Variants in CNNM2 observed in about 807,000 individuals in gnomAD.
The protein encoded by CNNM2 is cyclin and CBS domain divalent metal cation transport mediator 2, also known as metal transporter CNNM2.
Under a neutral mutation model 66.9 loss-of-function variants are expected in CNNM2, and 12 were observed. That is an observed-to-expected ratio of 0.18 (90% CI 0.11 to 0.29). The LOEUF (loss-of-function observed/expected upper bound fraction) is 0.29. CNNM2 is among the 10% of genes least tolerant of loss of function. The probability of loss-of-function intolerance (pLI) is 1.00; values close to 1 mark genes in which losing one functional copy is unlikely to be tolerated. For synonymous variants in CNNM2, 557 were observed against 501.8 expected, an observed-to-expected ratio of 1.11 and a Z score of -1.47; for missense variants, 705 against 1,167.7, an observed-to-expected ratio of 0.60 and a Z score of 5.77.
chr10:103,081,487 T>A lies in CNNM2; in HGVS notation c.*4307T>A, dbSNP rs1392404487. On this transcript the variant is annotated 3_prime_UTR_variant, in exon 8 of 8. Transcript: ENST00000369878. ...TTCAGAAATTTTTCTGATGTATCAA[T>A]GAGCAACTTCTCAGTGGATTTTTAT... 1.3e-5 allele frequency: 2 copies of A among 152,240 alleles called. No individual in the cohort carries two copies. The highest frequency in any genetic ancestry group is 4.1e-4 in the South Asian group (2 of 4,836). The allele number at this position is 152,240 out of a possible 1,614,324, so 9.4% of individuals were successfully genotyped here.
chr10:103,043,200 G>A (rs2065072016), intron 1 of CNNM2, among the ~76,000 whole-genome samples: 1 of 152,172 alleles, frequency 6.6e-6, no homozygotes, highest in African/African-American at 2.4e-5. Flanking sequence ...TCTTCCTGCT[G>A]TTTGAGTGGC....
At chr10:102,922,828 C>T (rs1440729140) in intron 1 of CNNM2, among the ~76,000 whole-genome samples, 1 of 151,530 alleles carries the variant, frequency 6.6e-6, no homozygotes, top group Non-Finnish European at 1.5e-5. Context: ...GTGGTCCCAG[C>T]TCCTTGGGAG....
chr10:102,977,139 A>C (rs2063647238), intron 1 of CNNM2, among the ~76,000 whole-genome samples: 1 of 152,190 alleles, frequency 6.6e-6, no homozygotes, highest in Non-Finnish European at 1.5e-5. Context: ...CTGACTGCAG[A>C]GTGGAAAGCA....
In CNNM2 at chr10:103,077,276, A is replaced by G. The variant is rs2065708061; in HGVS notation, c.*96A>G. 7 of 1,119,984 alleles carry G rather than the reference A, an allele frequency of 6.3e-6. No homozygotes were observed. The highest frequency in any genetic ancestry group is 5.9e-5 in the Admixed American group (3 of 50,574). 69.4% of individuals were successfully genotyped at this position (1,119,984 alleles called of 1,614,324 possible). ...CTTCACTGGTGTGAGCTTGTCCGCC[A>G]TGCTGTACCCTGCAACATCCTGAGA... On this transcript the variant is annotated 3_prime_UTR_variant, in exon 8 of 8. Transcript: ENST00000369878.
chr10:103,050,637 T>C (rs1389625725), intron 2 of CNNM2, among the ~76,000 whole-genome samples: 1 of 151,658 alleles, frequency 6.6e-6, no homozygotes, highest in Non-Finnish European at 1.5e-5. Flanking sequence ...GGAGGTGAGA[T>C]GTGCAAGTGT....
chr10:103,088,732 T>A lies in CNNM2; in HGVS notation c.*11552T>A, dbSNP rs1341100060. The A allele has an allele frequency of 5.6e-6, 1 of 178,970 alleles. No homozygotes were observed. Among genetic ancestry groups the A allele is most frequent in the Non-Finnish European group, 1.2e-5 (1 of 83,494 alleles). The allele number at this position is 178,970 out of a possible 1,614,324, so 11.1% of individuals were successfully genotyped here. A position where few individuals can be genotyped will look rare whatever the true frequency, so the allele number is the denominator to read the frequency against. ...GAATTTATTCACACTGATTGTGCCC[T>A]CTACTTTAGTAAGGTTCTGGCTTAC... On this transcript the variant is annotated 3_prime_UTR_variant, in exon 8 of 8. Transcript: ENST00000369878.
rs1340652211 is a variant in CNNM2, at chr10:103,071,805, C to CAGCAGAACAGAGTTGTT, written c.2205_2221dup (p.Ala741GlufsTer5). The CAGCAGAACAGAGTTGTT allele has an allele frequency of 7.4e-6, 12 of 1,613,966 alleles. No homozygotes were observed. The highest frequency in any genetic ancestry group is 1.0e-5 in the Non-Finnish European group (12 of 1,179,868). ...TGTCCCTGTCTCGTACCTTTGTTGT[C>CAGCAGAACAGAGTTGTT]AGCAGAACAGAGTTGTTAGCAGCAG... On this transcript the variant is annotated frameshift_variant, in exon 6 of 8. Transcript: ENST00000369878. LOFTEE classifies it high-confidence loss of function.
chr10:103,005,038 G>C (rs560261987), intron 1 of CNNM2, among the ~76,000 whole-genome samples: 10 of 151,614 alleles, frequency 6.6e-5, no homozygotes, highest in African/African-American at 2.4e-4. Context: ...TCAGCCTCCC[G>C]AGTAGCTGGG....
intron 1 of CNNM2, among the ~76,000 whole-genome samples, chr10:102,946,875 T>G (rs1011561169): frequency 6.6e-6 from 1 of 152,202 alleles, no homozygotes; most frequent in African/African-American, 2.4e-5. Context: ...AATAACCAAC[T>G]TGGAAAAAAC....
chr10:102,959,849 G>GT (rs1847179044), intron 1 of CNNM2, among the ~76,000 whole-genome samples: 1 of 152,098 alleles, frequency 6.6e-6, no homozygotes, highest in Non-Finnish European at 1.5e-5. Flanking sequence ...TCAGGAGATC[G>GT]AAACCATCCT....
At chr10:102,941,360 G>T (rs539850884) in intron 1 of CNNM2, among the ~76,000 whole-genome samples, 1 of 152,214 alleles carries the variant, frequency 6.6e-6, no homozygotes, top group Admixed American at 6.5e-5. Context: ...TGCCCGCCTT[G>T]GCCTACCAAA....
intron 1 of CNNM2, among the ~76,000 whole-genome samples, chr10:102,948,227 A>G (rs1846692724): frequency 1.3e-5 from 2 of 152,192 alleles, no homozygotes; most frequent in African/African-American, 4.8e-5. Context: ...TGGGGGAGAT[A>G]GACATGAAGC....
chr10:103,049,609 C>T (rs1168590418), intron 1 of CNNM2, 98 bp from the exon 2 acceptor site: 11 of 1,107,142 alleles, frequency 9.9e-6, no homozygotes, highest in African/African-American at 4.7e-5. Context: ...TTTGATAATT[C>T]GACATCTGTG....
At chr10:103,006,113 G>C (rs1339529722) in intron 1 of CNNM2, among the ~76,000 whole-genome samples, 1 of 152,194 alleles carries the variant, frequency 6.6e-6, no homozygotes, top group Admixed American at 6.5e-5. Flanking sequence ...TTGAATAGGA[G>C]TGATAGTGAT....
intron 1 of CNNM2, among the ~76,000 whole-genome samples, chr10:102,940,753 G>T (rs1056515237): frequency 1.4e-5 from 2 of 145,074 alleles, no homozygotes; most frequent in African/African-American, 5.1e-5. Flanking sequence ...ATGGAGTCTC[G>T]TTCTGTCACC....
At chr10:102,988,890 C>G (rs891786006) in intron 1 of CNNM2, among the ~76,000 whole-genome samples, 1 of 152,160 alleles carries the variant, frequency 6.6e-6, no homozygotes, top group African/African-American at 2.4e-5. Flanking sequence ...CTTAGTTGCT[C>G]TAGAAGTCAC....
intron 1 of CNNM2, among the ~76,000 whole-genome samples, chr10:103,021,662 A>G (rs910605427): frequency 2.0e-5 from 3 of 152,092 alleles, no homozygotes; most frequent in Non-Finnish European, 1.5e-5. Context: ...CTCCTGCTGT[A>G]GGAAACAGAG....
At chr10:102,942,671 A>G (rs1846471536) in intron 1 of CNNM2, among the ~76,000 whole-genome samples, 1 of 152,218 alleles carries the variant, frequency 6.6e-6, no homozygotes, top group Admixed American at 6.5e-5. Flanking sequence ...TTTTGGATAT[A>G]TAACCAGAAG....
intron 1 of CNNM2, among the ~76,000 whole-genome samples, chr10:103,039,311 A>AT (rs1391857067): frequency 6.6e-6 from 1 of 151,960 alleles, no homozygotes; most frequent in Non-Finnish European, 1.5e-5. Flanking sequence ...TAATTTTTGT[A>AT]TTTTTAGTAG....
Sources: allele counts gnomAD v4.1 joint callset (sites outside exome capture counted in the v4.1 genomes callset), GRCh38; gene constraint gnomAD v4.1.1; transcripts MANE v1.5; gene names NCBI Gene and HGNC (gene_info 2026-07-23, HGNC 2026-07-21).